The following GSE1 variants were observed in gnomAD, a reference collection of about 807,000 sequenced individuals.
GSE1 encodes Gse1 coiled-coil protein.
Under a neutral mutation model 112.6 loss-of-function variants are expected in GSE1, and 32 were observed. The ratio of observed to expected loss-of-function variants is 0.28; its 90% CI spans 0.21 to 0.38. GSE1 has a LOEUF of 0.38. Ranked by LOEUF, GSE1 falls within the 10% of genes least tolerant of loss-of-function variation. The probability of loss-of-function intolerance (pLI) is 1.00; values close to 1 mark genes in which losing one functional copy is unlikely to be tolerated. For missense variants in GSE1, 2,348 were observed against 1,699.2 expected (o/e 1.38, Z -6.71); for synonymous variants, 1,115 against 735.6 (o/e 1.52, Z -8.35).
At chr16:85,302,838 C>G (rs1467789457) in intron 1 of GSE1, among the ~76,000 whole-genome samples, 1 of 152,202 alleles carries the variant, frequency 6.6e-6, no homozygotes, top group Non-Finnish European at 1.5e-5. Context: ...CAGCGGCTGT[C>G]ACAAGTAACC....
At chr16:85,221,278 C>T (rs565315929) in intron 1 of GSE1, among the ~76,000 whole-genome samples, 47 of 152,034 alleles carry the variant, frequency 3.1e-4, no homozygotes, top group Non-Finnish European at 5.7e-4. Flanking sequence ...AGGTCAGCTG[C>T]AGGCTACTGG....
At chr16:85,562,768 G>A in intron 1 of GSE1, among the ~76,000 whole-genome samples, 1 of 152,258 alleles carries the variant, frequency 6.6e-6, no homozygotes, top group South Asian at 2.1e-4. Flanking sequence ...AATGTCAAGT[G>A]TGATGGAGTC....
intron 1 of GSE1, among the ~76,000 whole-genome samples, chr16:85,268,599 C>G (rs1437858388): frequency 6.6e-6 from 1 of 152,168 alleles, no homozygotes; most frequent in East Asian, 1.9e-4. Flanking sequence ...GCCATAAGGA[C>G]AGGTGTGAGG....
rs1052211103 is a variant in GSE1, at chr16:85,311,926, C to T, written c.2284-45537C>T. ...TGCCTTCCCGGGTTCCCTCCGCCGG[C>T]CCAGCACTGCCCAGCCCCAGCCCCG... On this transcript the variant is annotated intron_variant, in intron 1 of 2. Transcript: ENST00000637419. The surrounding 1 kb of genome is among the most constrained non-coding windows in gnomAD (Gnocchi z 4.2). Among the ~76,000 whole-genome samples the T allele has an allele frequency of 2.0e-5, 3 of 152,178 alleles. No individual in the cohort carries two copies. The highest frequency in any genetic ancestry group is 6.5e-5 in the Admixed American group (1 of 15,280).
chr16:85,513,612 T>G (rs2051819847), intron 2 of GSE1, among the ~76,000 whole-genome samples: 1 of 152,176 alleles, frequency 6.6e-6, no homozygotes, highest in Non-Finnish European at 1.5e-5. Flanking sequence ...CTAGAAGGAC[T>G]TGGGGGAATC....
intron 2 of GSE1, among the ~76,000 whole-genome samples, chr16:85,431,063 A>G (rs2049109005): frequency 8.3e-6 from 1 of 119,890 alleles, no homozygotes; most frequent in South Asian, 2.6e-4. Flanking sequence ...TCAGGTTGAA[A>G]GCCACTGCCT....
chr16:85,555,651 C>G, upstream of GSE1: 13 of 957,214 alleles, frequency 1.4e-5, no homozygotes, highest in Non-Finnish European at 1.6e-5. Context: ...TTCTCCTTGG[C>G]AACAAGAGAT....
chr16:85,611,026 C>G (rs1373596949), upstream of GSE1, among the ~76,000 whole-genome samples: 1 of 152,256 alleles, frequency 6.6e-6, no homozygotes, highest in Non-Finnish European at 1.5e-5. Flanking sequence ...TCACCCCTGG[C>G]CCAAGGGCCT....
chr16:85,330,202 G>T (rs1238367010), intron 1 of GSE1, among the ~76,000 whole-genome samples: 4 of 152,228 alleles, frequency 2.6e-5, no homozygotes, highest in Non-Finnish European at 5.9e-5. Context: ...GTGAGCTAGG[G>T]ACTTTGAAAC....
At chr16:85,626,972 G>A (rs903914013) in intron 1 of GSE1, among the ~76,000 whole-genome samples, 8 of 149,058 alleles carry the variant, frequency 5.4e-5, no homozygotes, top group Middle Eastern at 3.5e-3. Flanking sequence ...GATGGGTTCC[G>A]GAAAATAGCA....
chr16:85,191,917 G>C (rs536456364), intron 1 of GSE1, among the ~76,000 whole-genome samples: 1 of 152,298 alleles, frequency 6.6e-6, no homozygotes, highest in African/African-American at 2.4e-5. Flanking sequence ...GGGTCTCCAG[G>C]GTGGGCAGGC....
At chr16:85,662,955 G>C in intron 9 of GSE1, 26 bp from the exon 10 acceptor site, 2 of 1,451,972 alleles carry the variant, frequency 1.4e-6, no homozygotes, top group South Asian at 1.1e-5. Flanking sequence ...TCTTTGTCTG[G>C]CTGAATACAA....
intron 1 of GSE1, among the ~76,000 whole-genome samples, chr16:85,238,267 T>TC (rs1904866084): frequency 6.6e-6 from 1 of 151,838 alleles, no homozygotes; most frequent in South Asian, 2.1e-4. Context: ...CCAGACAGAG[T>TC]CCCCCTCCAG....
chr16:85,187,297 C>T (rs1219673376), intron 1 of GSE1, among the ~76,000 whole-genome samples: 2 of 152,218 alleles, frequency 1.3e-5, no homozygotes, highest in African/African-American at 4.8e-5. Flanking sequence ...CTGGCAGCCC[C>T]GCAGCTCGGG....
rs369386869 is a variant in GSE1, at chr16:85,654,434, C to T, written c.583C>T (p.Arg195Cys). Reference protein sequence around the residue: ...LSPSSVVQDSRFPPLNLQRPV... With the variant: ...LSPSSVVQDSCFPPLNLQRPV... ...CCCCAGCTCAGTTGTGCAGGATTCC[C>T]GCTTCCCGCCACTCAAGTAAGTTGG... is the stretch of plus-strand genomic sequence containing the variant. The change falls in exon 4 of 16, where the codon CGC becomes TGC. Residue 195 changes from arginine (R) to cysteine (C), a missense_variant. Physicochemically the swap from Arg to Cys is radical, Grantham distance 180 (BLOSUM62 -3). Transcript: ENST00000253458. 4.2e-5 allele frequency: 66 copies of T among 1,564,328 alleles called. No homozygotes were observed. Among genetic ancestry groups the T allele is most frequent in the East Asian group, 9.0e-5 (4 of 44,360 alleles).
intron 2 of GSE1, among the ~76,000 whole-genome samples, chr16:85,517,067 C>T (rs1015777041): frequency 3.9e-5 from 6 of 152,140 alleles, no homozygotes; most frequent in African/African-American, 1.4e-4. Context: ...AAAGTGCTGG[C>T]ATCACAGGCG....
intron 2 of GSE1, among the ~76,000 whole-genome samples, chr16:85,466,567 A>G (rs1203512430): frequency 2.6e-5 from 4 of 152,194 alleles, no homozygotes; most frequent in African/African-American, 9.7e-5. Context: ...CCAGGTGGCC[A>G]TGCCTTTGGC....
chr16:85,226,153 GA>G (rs2075481643), intron 1 of GSE1, among the ~76,000 whole-genome samples: 1 of 152,214 alleles, frequency 6.6e-6, no homozygotes, highest in Non-Finnish European at 1.5e-5. Flanking sequence ...GTGTCACTGA[GA>G]AGGTAGGCAC....
intron 2 of GSE1, among the ~76,000 whole-genome samples, chr16:85,549,571 G>C (rs763101548): frequency 3.3e-5 from 5 of 152,220 alleles, no homozygotes; most frequent in Non-Finnish European, 5.9e-5. Flanking sequence ...TAGATGCTCT[G>C]AGAGGAGACA....
Sources: gnomAD v4.1 joint callset for allele counts (sites outside exome capture counted in the v4.1 genomes callset) on GRCh38, gnomAD v4.1.1 for gene constraint, Gnocchi (gnomAD v3.1) non-coding constraint, MANE v1.5 for transcripts, NCBI Gene and HGNC (gene_info 2026-07-23, HGNC 2026-07-21) for gene names.